Variants in FAM168A observed in about 807,000 individuals in gnomAD.
FAM168A encodes protein FAM168A.
A neutral mutation model predicts 28.5 loss-of-function variants in FAM168A; 3 were observed. The ratio of observed to expected loss-of-function variants is 0.11; its 90% CI spans 0.05 to 0.27. FAM168A has a LOEUF of 0.27. Among genes scored for constraint, FAM168A ranks in the 10% least tolerant of loss-of-function variants. FAM168A has a pLI of 1.00. For synonymous variants in FAM168A, 122 were observed against 124.2 expected (o/e 0.98, Z 0.12); for missense variants, 222 against 311.5 (o/e 0.71, Z 2.16).
chr11:73,514,050 T>C (rs570481207), intron 1 of FAM168A, among the ~76,000 whole-genome samples: 2 of 152,102 alleles, frequency 1.3e-5, no homozygotes, highest in Non-Finnish European at 2.9e-5. Context: ...CCCAGAGTTA[T>C]GGTACATGCC....
intron 1 of FAM168A, chr11:73,510,766 T>G: frequency 2.6e-6 from 1 of 377,610 alleles, no homozygotes; most frequent in Non-Finnish European, 4.7e-6. Flanking sequence ...ATCAATTGGC[T>G]TCCTAGGGTT....
At chr11:73,538,637 T>G (rs142197461) in intron 1 of FAM168A, among the ~76,000 whole-genome samples, 1 of 152,344 alleles carries the variant, frequency 6.6e-6, no homozygotes, top group East Asian at 1.9e-4. Flanking sequence ...GAACTGCCCT[T>G]GCTGGTAACA....
At chr11:73,461,572 G>A (rs1867647578) in intron 2 of FAM168A, among the ~76,000 whole-genome samples, 1 of 152,184 alleles carries the variant, frequency 6.6e-6, no homozygotes, top group African/African-American at 2.4e-5. Flanking sequence ...AGATAAATAG[G>A]ATGAGCAGGA....
At chr11:73,426,334 C>T (rs1227645928) in intron 3 of FAM168A, among the ~76,000 whole-genome samples, 1 of 152,168 alleles carries the variant, frequency 6.6e-6, no homozygotes, top group Non-Finnish European at 1.5e-5. Context: ...TCCAAATACC[C>T]ACATTGCTTT....
intron 1 of FAM168A, among the ~76,000 whole-genome samples, chr11:73,522,661 A>G (rs1943397342): frequency 6.7e-6 from 1 of 149,916 alleles, no homozygotes; most frequent in South Asian, 2.2e-4. Context: ...TAGGACTTTT[A>G]CTGGCTATGT....
Position 73,545,670 on chromosome 11 carries a change from T to C in FAM168A, c.-19+52253A>G, listed in dbSNP as rs79858871. Among the ~76,000 whole-genome samples, 384 of 151,216 alleles carry C rather than the reference T, an allele frequency of 2.5e-3. 10 individuals are homozygous for C. In the East Asian group the frequency reaches 0.067, roughly 26 times the overall value. On this transcript the variant is annotated intron_variant, in intron 1 of 7. Transcript: ENST00000356467. ...ATTTTGGATTCAACTTAACATTTATTGAATACTATATACTTTTTTTTTTTT... is the reference window on the plus strand; with the variant it reads ...ATTTTGGATTCAACTTAACATTTATCGAATACTATATACTTTTTTTTTTTT...
At chr11:73,571,467 C>G (rs1369898504) in intron 1 of FAM168A, among the ~76,000 whole-genome samples, 2 of 151,926 alleles carry the variant, frequency 1.3e-5, no homozygotes, top group African/African-American at 4.8e-5. Flanking sequence ...GGGCTGGTCT[C>G]CAGCTCCTAA....
intron 1 of FAM168A, among the ~76,000 whole-genome samples, chr11:73,495,839 G>A (rs1223344924): frequency 6.6e-6 from 1 of 152,188 alleles, no homozygotes; most frequent in African/African-American, 2.4e-5. Context: ...ATAAAATGGT[G>A]TAGCCACTAT....
intron 1 of FAM168A, among the ~76,000 whole-genome samples, chr11:73,537,263 C>T (rs1196761759): frequency 6.6e-6 from 1 of 152,036 alleles, no homozygotes; most frequent in African/African-American, 2.4e-5. Context: ...GAAATCAGAT[C>T]AAGAAACACT....
chr11:73,518,989 C>A (rs574538038), intron 1 of FAM168A, among the ~76,000 whole-genome samples: 82 of 152,264 alleles, frequency 5.4e-4, no homozygotes, highest in African/African-American at 1.9e-3. Flanking sequence ...AGCCTGAAGC[C>A]CTCACCAGAA....
intron 1 of FAM168A, among the ~76,000 whole-genome samples, chr11:73,565,364 T>C (rs1944009777): frequency 6.6e-6 from 1 of 152,156 alleles, no homozygotes; most frequent in Non-Finnish European, 1.5e-5. Context: ...ACATTATAAG[T>C]TAAAGGAAAA....
intron 1 of FAM168A, among the ~76,000 whole-genome samples, chr11:73,547,483 T>G (rs1943774078): frequency 6.6e-6 from 1 of 151,626 alleles, no homozygotes; most frequent in African/African-American, 2.4e-5. Context: ...AGAAAGAAAA[T>G]AGTATAAAGC....
intron 2 of FAM168A, 50 bp downstream of exon 2, chr11:73,468,355 T>G: frequency 6.4e-7 from 1 of 1,559,890 alleles, no homozygotes; most frequent in Non-Finnish European, 8.8e-7. Context: ...TATTTGGTAA[T>G]ATCCTTAACC....
intron 1 of FAM168A, among the ~76,000 whole-genome samples, chr11:73,579,763 C>A (rs1266523149): frequency 6.6e-6 from 1 of 152,224 alleles, no homozygotes; most frequent in East Asian, 1.9e-4. Context: ...GAAAATGAAA[C>A]TCTGAAATGT....
At position 73,502,091 on chromosome 11, in the gene FAM168A, G is replaced by T. The variant is rs911931726; in HGVS notation, c.-18-33599C>A. ...ACTCCAGCTTGGGCGACAGATCAAA[G>T]CTTTGTCTCGAAAAAAAAAAAAAAA... On this transcript the variant is annotated intron_variant, in intron 1 of 7. Coordinates refer to ENST00000356467, the MANE Select transcript of FAM168A (RefSeq NM_015159.3). Among the ~76,000 whole-genome samples the T allele has an allele frequency of 3.8e-4, 52 of 136,754 alleles. 1 individual carries two copies. Among genetic ancestry groups the T allele is most frequent in the Admixed American group, 1.9e-3 (24 of 12,820 alleles). 89.7% of individuals were successfully genotyped at this position (136,754 alleles called of 152,430 possible).
chr11:73,558,469 T>TA (rs367874557), intron 1 of FAM168A, among the ~76,000 whole-genome samples: 6,521 of 75,270 alleles, frequency 0.087, 327 homozygotes, highest in Non-Finnish European at 0.12. Flanking sequence ...ACCCTGTCTC[T>TA]AAAAAAAAAA....
At chr11:73,590,893 A>G (rs983011371) in intron 1 of FAM168A, among the ~76,000 whole-genome samples, 4 of 152,220 alleles carry the variant, frequency 2.6e-5, no homozygotes, top group Non-Finnish European at 5.9e-5. Flanking sequence ...CTGTAATCCC[A>G]GCACTTTGGG....
chr11:73,463,256 C>A (rs755117491), intron 2 of FAM168A, among the ~76,000 whole-genome samples: 1 of 152,048 alleles, frequency 6.6e-6, no homozygotes, highest in Non-Finnish European at 1.5e-5. Flanking sequence ...TGTGAGCCAC[C>A]GCGCCCAGCC....
intron 1 of FAM168A, among the ~76,000 whole-genome samples, chr11:73,515,499 ACT>A (rs2134643202): frequency 6.9e-6 from 1 of 145,440 alleles, no homozygotes; most frequent in African/African-American, 2.7e-5. Context: ...CAAGAGCAAA[ACT>A]CTGTCTCAAA....
Sources: gnomAD v4.1 joint callset for allele counts (sites outside exome capture counted in the v4.1 genomes callset) on GRCh38, gnomAD v4.1.1 for gene constraint, MANE v1.5 for transcripts, NCBI Gene and HGNC (gene_info 2026-07-23, HGNC 2026-07-21) for gene names.